Variants in LRPPRC observed in about 807,000 individuals in gnomAD.
The protein encoded by LRPPRC is leucine rich pentatricopeptide repeat containing, also known as leucine-rich PPR motif-containing protein, mitochondrial.
In LRPPRC, 120 loss-of-function variants were observed where a neutral mutation model predicts 180.3. That is an observed-to-expected ratio of 0.67 (90% CI 0.57 to 0.77). The LOEUF is 0.77. LRPPRC is among the 30% of genes least tolerant of loss of function. The pLI, the probability that LRPPRC is intolerant of heterozygous loss-of-function variation, is 0.00. For synonymous variants in LRPPRC, 723 were observed against 600.0 expected, an observed-to-expected ratio of 1.21 and a Z score of -3.00; for missense variants, 2,012 against 1,657.2, an observed-to-expected ratio of 1.21 and a Z score of -3.72.
At chr2:43,898,069 A>AT in intron 34 of LRPPRC, among the ~76,000 whole-genome samples, 1 of 104,494 alleles carries the variant, frequency 9.6e-6, no homozygotes, top group Non-Finnish European at 1.7e-5. Flanking sequence ...TTTCCTTAAA[A>AT]TTAAAAAAAA....
At position 43,973,660 on chromosome 2, in the gene LRPPRC, G is replaced by T. The variant is rs1391510968; in HGVS notation, c.1316C>A (p.Pro439His). The T allele has an allele frequency of 1.9e-6, 3 of 1,613,882 alleles. No individual in the cohort carries two copies. The East Asian group carries it at 6.7e-5, about 36-fold the overall frequency. ...AVKEEGFPIR[P>H]HYFWPLLVGR... ...AACTAGCAATGGCCAGAAATAGTGA[G>T]GTCTGATAGGAAAACCTTCCTCCTT... The change falls in exon 11 of 38, where the codon CCT becomes CAT. Residue 439 changes from proline to histidine, a missense_variant. Pro to His is a moderately conservative substitution (Grantham distance 77). Transcript: ENST00000260665.
intron 11 of LRPPRC, among the ~76,000 whole-genome samples, chr2:43,967,973 G>C (rs1047584257): frequency 6.6e-6 from 1 of 152,048 alleles, no homozygotes; most frequent in Non-Finnish European, 1.5e-5. Flanking sequence ...TGAATTCCTA[G>C]TAATAGATTT....
At position 43,976,157 on chromosome 2, in the gene LRPPRC, C is replaced by T. The variant is rs371182328; in HGVS notation, c.723G>A (p.Gly241=). The part of the protein sequence containing the change: ...TEAVFSALVT[G]HARAGDMENA... ...TTGAACATTACCCAGCTCTGGCATG[C>T]CCTGTCACAAGGGCACTGAATACTG... Residue 241 remains glycine, a synonymous_variant, in exon 6 of 38, where the codon GGG becomes GGA. Coordinates refer to ENST00000260665, the MANE Select transcript of LRPPRC (RefSeq NM_133259.4). 6.8e-5 allele frequency: 109 copies of T among 1,606,722 alleles called. No individual in the cohort carries two copies. Among genetic ancestry groups the T allele is most frequent in the Non-Finnish European group, 8.8e-5 (103 of 1,173,420 alleles).
intron 31 of LRPPRC, 100 bp from the exon 32 acceptor site, chr2:43,901,624 A>T: frequency 1.3e-6 from 1 of 750,042 alleles, no homozygotes; most frequent in South Asian, 1.5e-5. Context: ...AAATGGCCAT[A>T]AACAAAAAGC....
intron 14 of LRPPRC, among the ~76,000 whole-genome samples, chr2:43,950,994 C>T (rs1007570088): frequency 6.6e-5 from 10 of 152,166 alleles, no homozygotes; most frequent in South Asian, 2.1e-4. Context: ...TGCCTGAACC[C>T]GGGAAGCGGA....
At chr2:43,973,556 G>A in intron 11 of LRPPRC, 51 bp downstream of exon 11, 1 of 1,151,160 alleles carries the variant, frequency 8.7e-7, no homozygotes, top group Non-Finnish European at 1.3e-6. Flanking sequence ...CGTGCAAACT[G>A]TCATACTGGC....
intron 11 of LRPPRC, among the ~76,000 whole-genome samples, chr2:43,973,265 A>G (rs1269287941): frequency 6.6e-6 from 1 of 152,194 alleles, no homozygotes; most frequent in East Asian, 1.9e-4. Flanking sequence ...ATACAACTTT[A>G]TCTTTATTAA....
chr2:43,918,440 T>C (rs1246236421), intron 27 of LRPPRC, 42 bp from the exon 28 acceptor site: 1 of 1,333,750 alleles, frequency 7.5e-7, no homozygotes, highest in Admixed American at 1.7e-5. Flanking sequence ...ATAAATATGC[T>C]AAACAGAATA....
intron 35 of LRPPRC, among the ~76,000 whole-genome samples, chr2:43,895,115 G>T (rs961291449): frequency 6.6e-6 from 1 of 152,102 alleles, no homozygotes; most frequent in Admixed American, 6.5e-5. Context: ...CTCGGCTATG[G>T]CTTTATTTCC....
At chr2:43,949,526 G>T in intron 16 of LRPPRC, 76 bp downstream of exon 16, 1 of 1,052,566 alleles carries the variant, frequency 9.5e-7, no homozygotes, top group Non-Finnish European at 1.5e-6. Flanking sequence ...ATTTACTGCT[G>T]TAATCCTCCT....
intron 25 of LRPPRC, among the ~76,000 whole-genome samples, chr2:43,927,843 A>G (rs1671944342): frequency 6.6e-6 from 1 of 152,244 alleles, no homozygotes; most frequent in Non-Finnish European, 1.5e-5. Context: ...AATCTCAATC[A>G]TCAAAAGAAC....
At chr2:43,936,083 C>CA (rs112488449) in intron 23 of LRPPRC, among the ~76,000 whole-genome samples, 248 of 135,730 alleles carry the variant, frequency 1.8e-3, no homozygotes, top group Admixed American at 3.5e-3. Context: ...AACTCTGTTT[C>CA]AAAAAAAAAA....
At chr2:43,947,647 C>T in intron 19 of LRPPRC, 84 bp downstream of exon 19, 1 of 865,154 alleles carries the variant, frequency 1.2e-6, no homozygotes, top group Middle Eastern at 2.4e-4. Flanking sequence ...TGTGAGGAAT[C>T]ACTGGTTTTA....
At chr2:43,973,432 T>C (rs999731806) in intron 11 of LRPPRC, among the ~76,000 whole-genome samples, 175 bp downstream of exon 11, 3 of 152,162 alleles carry the variant, frequency 2.0e-5, no homozygotes, top group South Asian at 2.1e-4. Flanking sequence ...AAATCCATCA[T>C]GTTTTGTTTT....
Position 43,901,484 on chromosome 2 carries a change from C to T in LRPPRC, c.3405G>A (p.Gln1135=). ...TTLKTVLDQQ[Q]TPSRLAVTRV... ...GGGTCACTGCTAACCTAGAAGGGGT[C>T]TGCTGCTGATCCAATACTGTTTTCA... Residue 1135 remains glutamine, a synonymous_variant, in exon 32 of 38, where the codon CAG becomes CAA. Transcript: ENST00000260665. 1 of 1,614,050 alleles carries T rather than the reference C, an allele frequency of 6.2e-7. No homozygotes were observed. The highest frequency in any genetic ancestry group is 8.5e-7 in the Non-Finnish European group (1 of 1,179,872).
upstream of LRPPRC, among the ~76,000 whole-genome samples, chr2:43,996,209 T>C (rs1675076590): frequency 6.6e-6 from 1 of 152,206 alleles, no homozygotes. Flanking sequence ...CTGGGCATCG[T>C]GTTCATTCGC....
intron 34 of LRPPRC, among the ~76,000 whole-genome samples, chr2:43,897,059 G>A (rs1349919811): frequency 4.6e-5 from 7 of 152,226 alleles, no homozygotes; most frequent in Admixed American, 1.3e-4. Flanking sequence ...GCATTCACAA[G>A]TGAGCTAGGG....
chr2:43,890,716 A>AAAAC (rs896945315), intron 36 of LRPPRC, among the ~76,000 whole-genome samples: 1 of 152,226 alleles, frequency 6.6e-6, no homozygotes. Flanking sequence ...ACCATCTCAA[A>AAAAC]AAACAAACAA....
At position 43,935,006 on chromosome 2, in the gene LRPPRC, A is replaced by G. The variant is rs1672227110; in HGVS notation, c.2505-128T>C. 3 of 666,764 alleles carry G rather than the reference A, an allele frequency of 4.5e-6. No individual in the cohort carries two copies. In the African/African-American group the frequency reaches 5.5e-5, roughly 12 times the overall value. 41.3% of individuals were successfully genotyped at this position (666,764 alleles called of 1,614,324 possible). ...AACTGAGCTTTACTTAAGGTAGAAA[A>G]CCACAAAGCTAAAATGGGGGAAAAA... On this transcript the variant is annotated intron_variant, in intron 23 of 37. Transcript: ENST00000260665.
Sources: allele counts gnomAD v4.1 joint callset (sites outside exome capture counted in the v4.1 genomes callset), GRCh38; gene constraint gnomAD v4.1.1; transcripts MANE v1.5; gene names NCBI Gene and HGNC (gene_info 2026-07-23, HGNC 2026-07-21).